The following PCDH15 variants were observed in gnomAD, a reference collection of about 807,000 sequenced individuals.
PCDH15 encodes protocadherin related 15.
In PCDH15, 129 loss-of-function variants were observed where a neutral mutation model predicts 178.5. The observed-to-expected ratio is 0.72, with a 90% CI of 0.63 to 0.84. PCDH15 has a LOEUF of 0.84. PCDH15 is among the 40% of genes least tolerant of loss of function. PCDH15 has a pLI of 0.00. For synonymous variants in PCDH15, 800 were observed against 732.0 expected (o/e 1.09, Z -1.50); for missense variants, 2,230 against 2,099.9 (o/e 1.06, Z -1.21).
chr10:55,542,598 C>G (rs889177201), intron 2 of PCDH15, among the ~76,000 whole-genome samples: 1 of 147,692 alleles, frequency 6.8e-6, no homozygotes, highest in Non-Finnish European at 1.5e-5. Context: ...TATATAGGTA[C>G]ATACAGACAT....
At chr10:55,278,126 C>T (rs1033743776) in intron 1 of PCDH15, among the ~76,000 whole-genome samples, 2 of 151,950 alleles carry the variant, frequency 1.3e-5, no homozygotes, top group Non-Finnish European at 2.9e-5. Flanking sequence ...TGTTAATATG[C>T]GGTTGAGATT....
At chr10:54,971,700 T>G (rs932873869) in intron 2 of PCDH15, among the ~76,000 whole-genome samples, 1 of 152,194 alleles carries the variant, frequency 6.6e-6, no homozygotes, top group African/African-American at 2.4e-5. Flanking sequence ...TTCAAATTAA[T>G]TTGCGTATCA....
chr10:54,718,322 G>A (rs188449761), intron 1 of PCDH15, among the ~76,000 whole-genome samples: 2 of 152,106 alleles, frequency 1.3e-5, no homozygotes, highest in Admixed American at 1.3e-4. Context: ...AACAGCAGTG[G>A]GGAATGAGAT....
At chr10:53,930,457 C>CAAAAA (rs60673116) in intron 25 of PCDH15, among the ~76,000 whole-genome samples, 21 of 50,346 alleles carry the variant, frequency 4.2e-4, no homozygotes, top group Non-Finnish European at 6.0e-4. Context: ...GACTCCCTCT[C>CAAAAA]AAAAAAAAAA....
At chr10:54,091,104 G>A (rs1474601832) in intron 15 of PCDH15, among the ~76,000 whole-genome samples, 2 of 152,134 alleles carry the variant, frequency 1.3e-5, no homozygotes, top group Non-Finnish European at 2.9e-5. Flanking sequence ...GAGGTCTGGA[G>A]TTTTACCTTA....
At chr10:55,072,048 A>G (rs1841760534) in intron 2 of PCDH15, among the ~76,000 whole-genome samples, 1 of 152,190 alleles carries the variant, frequency 6.6e-6, no homozygotes, top group Non-Finnish European at 1.5e-5. Flanking sequence ...TTTGAAACCA[A>G]CGAGAACAAA....
At chr10:54,494,432 A>G (rs2079918508) in intron 3 of PCDH15, among the ~76,000 whole-genome samples, 1 of 151,958 alleles carries the variant, frequency 6.6e-6, no homozygotes, top group Non-Finnish European at 1.5e-5. Flanking sequence ...TTTTTTCTCC[A>G]CTGATTAACT....
chr10:53,924,406 G>C, intron 25 of PCDH15, among the ~76,000 whole-genome samples: 1 of 152,220 alleles, frequency 6.6e-6, no homozygotes. Context: ...CTGGGCCTCA[G>C]CTGCCTCCCT....
chr10:55,590,830 C>T (rs1842829850), intron 2 of PCDH15, among the ~76,000 whole-genome samples: 1 of 152,084 alleles, frequency 6.6e-6, no homozygotes, highest in African/African-American at 2.4e-5. Context: ...TACATATACA[C>T]AGTTCCTGCA....
intron 3 of PCDH15, among the ~76,000 whole-genome samples, chr10:54,401,608 CATGA>C (rs1565181282): frequency 6.6e-6 from 1 of 151,628 alleles, no homozygotes; most frequent in Non-Finnish European, 1.5e-5. Context: ...TTAAGTGAAA[CATGA>C]ATGAAAGAAA....
intron 1 of PCDH15, among the ~76,000 whole-genome samples, chr10:54,763,198 C>T (rs1238432505): frequency 1.3e-5 from 2 of 151,990 alleles, no homozygotes; most frequent in Non-Finnish European, 2.9e-5. Flanking sequence ...AGGGTAATAC[C>T]GGGGAAAAAG....
chr10:53,825,300 A>G (rs1451915530), intron 32 of PCDH15, among the ~76,000 whole-genome samples: 2 of 151,990 alleles, frequency 1.3e-5, no homozygotes, highest in Non-Finnish European at 2.9e-5. Context: ...ATATTTTGTT[A>G]TTATTCATAT....
intron 3 of PCDH15, among the ~76,000 whole-genome samples, chr10:54,476,482 C>T (rs1318557337): frequency 6.6e-6 from 1 of 151,956 alleles, no homozygotes; most frequent in African/African-American, 2.4e-5. Flanking sequence ...TGTTAGGGTA[C>T]ATTACAGGTA....
At chr10:54,793,239 G>A (rs1951606543) in intron 1 of PCDH15, among the ~76,000 whole-genome samples, 1 of 151,872 alleles carries the variant, frequency 6.6e-6, no homozygotes, top group Non-Finnish European at 1.5e-5. Flanking sequence ...TTGAGTAGCT[G>A]AGCCTCCACA....
rs115002632 is a variant in PCDH15, at chr10:55,318,397, A to G, written c.-156+1202T>C. Among the ~76,000 whole-genome samples, 785 of 152,308 alleles carry G rather than the reference A, an allele frequency of 5.2e-3. 10 individuals carry two copies. Among genetic ancestry groups the G allele is most frequent in the African/African-American group, 0.018 (739 of 41,568 alleles). On this transcript the variant is annotated intron_variant, in intron 1 of 5. Coordinates refer to the PCDH15 transcript ENST00000458638. ...AAGAAATAAAAGCAGACATAGATTCATAATGAAAATATAGTTCATTTTGAA... is the reference window on the plus strand; with the variant it reads ...AAGAAATAAAAGCAGACATAGATTCGTAATGAAAATATAGTTCATTTTGAA...
intron 26 of PCDH15, among the ~76,000 whole-genome samples, chr10:53,887,781 C>T (rs182109756): frequency 3.2e-4 from 49 of 152,160 alleles, no homozygotes; most frequent in African/African-American, 1.1e-3. Flanking sequence ...CCCAGATACT[C>T]GGGAGGCCAA....
At chr10:54,335,086 T>G (rs1204166624) in intron 6 of PCDH15, among the ~76,000 whole-genome samples, 4 of 152,322 alleles carry the variant, frequency 2.6e-5, no homozygotes, top group Non-Finnish European at 5.9e-5. Context: ...ATTGTCATTG[T>G]TTGTGTGTCT....
chr10:55,557,543 G>A (rs542646520), intron 2 of PCDH15, among the ~76,000 whole-genome samples: 2 of 152,174 alleles, frequency 1.3e-5, no homozygotes, highest in East Asian at 3.9e-4. Flanking sequence ...TGAGACGATA[G>A]CCCCCTTGTC....
intron 1 of PCDH15, among the ~76,000 whole-genome samples, chr10:55,187,182 G>A (rs1277063356): frequency 4.6e-5 from 7 of 151,914 alleles, no homozygotes; most frequent in Middle Eastern, 3.4e-3. Context: ...TCATACTCAC[G>A]TAATATTTCA....
Sources: allele counts gnomAD v4.1 joint callset (sites outside exome capture counted in the v4.1 genomes callset), GRCh38; gene constraint gnomAD v4.1.1; transcripts MANE v1.5; gene names NCBI Gene and HGNC (gene_info 2026-07-23, HGNC 2026-07-21).